ITFG1: variants seen among roughly 807,000 people sequenced by gnomAD.
The protein encoded by ITFG1 is integrin alpha FG-GAP repeat containing 1.
In ITFG1, 34 loss-of-function variants were observed where a neutral mutation model predicts 81.8. The ratio of observed to expected loss-of-function variants is 0.42; its 90% CI spans 0.32 to 0.55. The LOEUF is 0.55. Ranked by LOEUF, ITFG1 falls within the 20% of genes least tolerant of loss-of-function variation. ITFG1 has a pLI of 0.17. For missense variants in ITFG1, 672 were observed against 755.4 expected, an observed-to-expected ratio of 0.89 and a Z score of 1.29; for synonymous variants, 285 against 270.6, an observed-to-expected ratio of 1.05 and a Z score of -0.52.
chr16:47,286,508 C>T lies in ITFG1; in HGVS notation c.1070+24732G>A, dbSNP rs529629433. Among the ~76,000 whole-genome samples, 207 of 152,016 alleles carry T rather than the reference C, an allele frequency of 1.4e-3. 1 individual carries two copies. The Middle Eastern group carries it at 0.024, about 18-fold the overall frequency. ...TACAAAAATTAGCTGGGCATGGTGG[C>T]GGGTGCCTGTAATCACACCTACTTG... On this transcript the variant is annotated intron_variant, in intron 10 of 17. Transcript: ENST00000320640.
chr16:47,161,916 G>C, intron 15 of ITFG1, 84 bp from the exon 16 acceptor site: 1 of 859,940 alleles, frequency 1.2e-6, no homozygotes, highest in East Asian at 2.7e-5. Flanking sequence ...GAAAAATCTA[G>C]CTACTTTGAG....
At chr16:47,180,152 T>C (rs934673553) in intron 14 of ITFG1, among the ~76,000 whole-genome samples, 10 of 152,220 alleles carry the variant, frequency 6.6e-5, no homozygotes, top group African/African-American at 2.4e-4. Context: ...AGTAGATGTC[T>C]GCTATAATAA....
chr16:47,264,362 C>G (rs1371281713), intron 10 of ITFG1, among the ~76,000 whole-genome samples: 1 of 152,026 alleles, frequency 6.6e-6, no homozygotes, highest in Non-Finnish European at 1.5e-5. Context: ...CTTTTGATCC[C>G]TATATTGAAA....
chr16:47,235,933 G>A (rs1025690370), intron 13 of ITFG1, among the ~76,000 whole-genome samples: 3 of 152,124 alleles, frequency 2.0e-5, no homozygotes, highest in African/African-American at 7.2e-5. Context: ...TCAGAGAGAA[G>A]GAAAATGATA....
At chr16:47,244,589 TTTTGTGTGTGTGTG>T (rs951077158) in intron 12 of ITFG1, among the ~76,000 whole-genome samples, 6 of 140,788 alleles carry the variant, frequency 4.3e-5, no homozygotes, top group African/African-American at 1.3e-4. Context: ...GTATTCCATC[TTTTGTGTGTGTGTG>T]TGTGTGTGTG....
At chr16:47,228,353 GT>G (rs149046910) in intron 13 of ITFG1, among the ~76,000 whole-genome samples, 17,782 of 149,318 alleles carry the variant, frequency 0.12, 2,311 homozygotes, top group African/African-American at 0.33. Flanking sequence ...AGATAAGAAG[GT>G]TTTTTTTTTG....
chr16:47,430,199 AGG>A (rs1244252995), intron 5 of ITFG1, among the ~76,000 whole-genome samples: 1 of 150,876 alleles, frequency 6.6e-6, no homozygotes, highest in Non-Finnish European at 1.5e-5. Context: ...CTAGGATTAT[AGG>A]CATGTACCAC....
At chr16:47,283,534 T>C (rs1324746268) in intron 10 of ITFG1, among the ~76,000 whole-genome samples, 1 of 152,172 alleles carries the variant, frequency 6.6e-6, no homozygotes, top group Non-Finnish European at 1.5e-5. Context: ...GAACCCTGAC[T>C]AAAACCAATA....
At chr16:47,459,456 T>G (rs115725086) in intron 1 of ITFG1, among the ~76,000 whole-genome samples, 1 of 152,188 alleles carries the variant, frequency 6.6e-6, no homozygotes, top group Non-Finnish European at 1.5e-5. Context: ...GGAGTCAGAT[T>G]GGTTGACTTA....
intron 14 of ITFG1, among the ~76,000 whole-genome samples, chr16:47,187,854 A>G (rs1044945414): frequency 1.3e-5 from 2 of 152,174 alleles, no homozygotes; most frequent in African/African-American, 4.8e-5. Context: ...AATCTTCGCA[A>G]CCTACTCATC....
At chr16:47,208,210 C>G (rs1029460110) in intron 14 of ITFG1, among the ~76,000 whole-genome samples, 4 of 152,152 alleles carry the variant, frequency 2.6e-5, no homozygotes, top group African/African-American at 4.8e-5. Context: ...TGCCTGGGTT[C>G]AAATCCAGGC....
At chr16:47,378,977 A>G (rs1194051799) in intron 6 of ITFG1, among the ~76,000 whole-genome samples, 1 of 152,228 alleles carries the variant, frequency 6.6e-6, no homozygotes, top group East Asian at 1.9e-4. Context: ...CCTTTTGGGA[A>G]TTAAGGATTT....
intron 10 of ITFG1, among the ~76,000 whole-genome samples, chr16:47,268,082 A>G (rs1966297513): frequency 6.6e-6 from 1 of 152,088 alleles, no homozygotes; most frequent in African/African-American, 2.4e-5. Context: ...GAGAAAAATC[A>G]ATGATAACAA....
chr16:47,301,979 T>C (rs1227320515), intron 10 of ITFG1, among the ~76,000 whole-genome samples: 3 of 152,022 alleles, frequency 2.0e-5, no homozygotes, highest in Admixed American at 1.3e-4. Flanking sequence ...TGCCAGATAC[T>C]GAAGAGGCAG....
chr16:47,214,194 G>A (rs190117479), intron 14 of ITFG1, among the ~76,000 whole-genome samples: 5 of 152,256 alleles, frequency 3.3e-5, no homozygotes, highest in South Asian at 2.1e-4. Context: ...AGTGTGTGTC[G>A]TAGAAGACAT....
intron 14 of ITFG1, among the ~76,000 whole-genome samples, chr16:47,179,593 T>C (rs1339386263): frequency 6.6e-6 from 1 of 152,156 alleles, no homozygotes; most frequent in Non-Finnish European, 1.5e-5. Flanking sequence ...TTAAGATGAA[T>C]AATTTTTTGA....
At chr16:47,225,895 G>T (rs950314461) in intron 13 of ITFG1, among the ~76,000 whole-genome samples, 1 of 151,324 alleles carries the variant, frequency 6.6e-6, no homozygotes, top group East Asian at 1.9e-4. Flanking sequence ...CTGCGAAGAC[G>T]AAGTTGGAAA....
chr16:47,434,983 C>T (rs1042600442), intron 5 of ITFG1, among the ~76,000 whole-genome samples: 1 of 152,128 alleles, frequency 6.6e-6, no homozygotes, highest in Non-Finnish European at 1.5e-5. Context: ...GATGAGAACA[C>T]ATGGACACAT....
chr16:47,373,954 G>T (rs935339347), intron 7 of ITFG1, among the ~76,000 whole-genome samples: 2 of 152,142 alleles, frequency 1.3e-5, no homozygotes, highest in African/African-American at 4.8e-5. Flanking sequence ...AGTTAATTCT[G>T]AATCTACTAA....
Sources: allele counts gnomAD v4.1 joint callset (sites outside exome capture counted in the v4.1 genomes callset), GRCh38; gene constraint gnomAD v4.1.1; transcripts MANE v1.5; gene names NCBI Gene and HGNC (gene_info 2026-07-23, HGNC 2026-07-21).